BTG3: variants seen among roughly 807,000 people sequenced by gnomAD.
BTG3 encodes BTG anti-proliferation factor 3.
In BTG3, 4 loss-of-function variants were observed where a neutral mutation model predicts 25.8. The observed-to-expected ratio is 0.16, with a 90% CI of 0.08 to 0.36. The LOEUF (loss-of-function observed/expected upper bound fraction) is 0.36, where lower values mean the gene tolerates loss of function less well. Among genes scored for constraint, BTG3 ranks in the 10% least tolerant of loss-of-function variants. BTG3 has a pLI of 1.00. For synonymous variants in BTG3, 107 were observed against 99.9 expected, an observed-to-expected ratio of 1.07 and a Z score of -0.42; for missense variants, 201 against 304.9, an observed-to-expected ratio of 0.66 and a Z score of 2.54.
chr21:17,595,705 A>G (rs1354610496), intron 4 of BTG3, among the ~76,000 whole-genome samples: 1 of 152,030 alleles, frequency 6.6e-6, no homozygotes, highest in East Asian at 1.9e-4. Context: ...ACAATGATAC[A>G]CAACGAACAA....
chr21:17,598,146 C>T (rs2061527224), intron 4 of BTG3, among the ~76,000 whole-genome samples: 1 of 152,052 alleles, frequency 6.6e-6, no homozygotes, highest in African/African-American at 2.4e-5. Flanking sequence ...AGCTATATGA[C>T]TTTTCAACTA....
intron 2 of BTG3, 182 bp downstream of exon 2, chr21:17,608,790 C>T (rs2061680700): frequency 8.9e-6 from 5 of 558,804 alleles, no homozygotes; most frequent in Non-Finnish European, 1.4e-5. Flanking sequence ...AGTGGGACTC[C>T]ACCACTCCGC....
chr21:17,594,541 A>C (rs2061479346), intron 4 of BTG3, among the ~76,000 whole-genome samples: 1 of 152,090 alleles, frequency 6.6e-6, no homozygotes, highest in Non-Finnish European at 1.5e-5. Flanking sequence ...GAATGCATAA[A>C]GAAATGAATA....
chr21:17,604,190 T>C (rs1348098587), intron 3 of BTG3: 8 of 1,223,548 alleles, frequency 6.5e-6, no homozygotes, highest in Non-Finnish European at 8.5e-6. Context: ...ACGCCTGTAA[T>C]CCAGCGCTTT....
chr21:17,612,078 T>C (rs2061734936), intron 1 of BTG3: 1 of 152,306 alleles, frequency 6.6e-6, no homozygotes, highest in Non-Finnish European at 1.5e-5. Context: ...CCGCTGGGGT[T>C]TTGAGAGAGG....
At chr21:17,596,794 GAT>G (rs1455301684) in intron 4 of BTG3, among the ~76,000 whole-genome samples, 1 of 152,000 alleles carries the variant, frequency 6.6e-6, no homozygotes, top group African/African-American at 2.4e-5. Flanking sequence ...GATGTTCATT[GAT>G]ACTGAATTGG....
chr21:17,610,644 G>C (rs1013980315), intron 1 of BTG3, among the ~76,000 whole-genome samples: 2 of 152,168 alleles, frequency 1.3e-5, no homozygotes, highest in African/African-American at 4.8e-5. Flanking sequence ...TACTCAGTGA[G>C]CTCATTCATC....
intron 2 of BTG3, among the ~76,000 whole-genome samples, chr21:17,606,442 C>A (rs1051824693): frequency 1.3e-5 from 2 of 151,986 alleles, no homozygotes; most frequent in African/African-American, 4.8e-5. Context: ...ACTGCTTAGT[C>A]CTTTTAAAAA....
chr21:17,596,700 T>C (rs1294832715), intron 4 of BTG3, among the ~76,000 whole-genome samples: 2 of 152,092 alleles, frequency 1.3e-5, no homozygotes, highest in East Asian at 1.9e-4. Flanking sequence ...TATAATAGCT[T>C]TGAATTAGTG....
chr21:17,612,338 G>C (rs893264583), intron 1 of BTG3: 1 of 152,230 alleles, frequency 6.6e-6, no homozygotes, highest in Non-Finnish European at 1.5e-5. Context: ...CGGAGCTCCA[G>C]AAAAAACACC....
intron 3 of BTG3, among the ~76,000 whole-genome samples, chr21:17,603,382 C>T (rs956032944): frequency 6.6e-6 from 1 of 152,128 alleles, no homozygotes; most frequent in Non-Finnish European, 1.5e-5. Flanking sequence ...TATCACAAAC[C>T]TCTACCACCT....
intron 3 of BTG3, among the ~76,000 whole-genome samples, chr21:17,600,117 AT>A (rs1315572997): frequency 1.3e-5 from 2 of 152,178 alleles, no homozygotes; most frequent in African/African-American, 4.8e-5. Flanking sequence ...TTGTCAAAAT[AT>A]GTAACATATG....
At chr21:17,608,544 C>A (rs1431054901) in intron 2 of BTG3, among the ~76,000 whole-genome samples, 5 of 151,874 alleles carry the variant, frequency 3.3e-5, no homozygotes, top group Admixed American at 3.3e-4. Flanking sequence ...ATCTTAGTTC[C>A]CTTTTTCCAT....
chr21:17,612,372 G>A (rs2061742493), intron 1 of BTG3: 1 of 152,288 alleles, frequency 6.6e-6, no homozygotes, highest in African/African-American at 2.4e-5. Flanking sequence ...TGGACAGAGG[G>A]TGGGAAGCCG....
intron 3 of BTG3, among the ~76,000 whole-genome samples, chr21:17,599,727 G>A (rs1027580656): frequency 3.9e-5 from 6 of 152,080 alleles, no homozygotes; most frequent in Admixed American, 1.3e-4. Context: ...TGATCCACCC[G>A]CCTCGGCCTC....
chr21:17,610,982 G>A (rs1462955975), intron 1 of BTG3, among the ~76,000 whole-genome samples: 1 of 152,152 alleles, frequency 6.6e-6, no homozygotes, highest in African/African-American at 2.4e-5. Flanking sequence ...TGGAGGGGAA[G>A]GCACACAAAT....
chr21:17,603,995 G>T, intron 3 of BTG3: 2 of 497,552 alleles, frequency 4.0e-6, no homozygotes, highest in Non-Finnish European at 5.7e-6. Context: ...AACTGAGAGT[G>T]CCTGGTCCAC....
At chr21:17,598,489 TG>T in intron 4 of BTG3, 127 bp downstream of exon 4, 1 of 744,028 alleles carries the variant, frequency 1.3e-6, no homozygotes, top group South Asian at 2.0e-5. Context: ...TCCCTTAGCA[TG>T]GGGAAAGGCA....
chr21:17,599,282 C>A (rs1034290395), intron 3 of BTG3, among the ~76,000 whole-genome samples: 2 of 150,260 alleles, frequency 1.3e-5, no homozygotes, highest in African/African-American at 4.9e-5. Context: ...CTCAGGTGAT[C>A]GATCCTCCAA....
Sources: allele counts gnomAD v4.1 joint callset (sites outside exome capture counted in the v4.1 genomes callset), GRCh38; gene constraint gnomAD v4.1.1; transcripts MANE v1.5; gene names NCBI Gene and HGNC (gene_info 2026-07-23, HGNC 2026-07-21).